ZNF592: variants seen among roughly 807,000 people sequenced by gnomAD.
ZNF592 encodes the protein zinc finger protein 592, also known as spinocerebellar ataxia, autosomal recessive 5.
ZNF592 carries 11 observed loss-of-function variants against 80.3 expected under a neutral mutation model. The ratio of observed to expected loss-of-function variants is 0.14; its 90% CI spans 0.09 to 0.23. The LOEUF (loss-of-function observed/expected upper bound fraction) is 0.23, where lower values mean the gene tolerates loss of function less well. Ranked by LOEUF, ZNF592 falls within the 10% of genes least tolerant of loss-of-function variation. The pLI, the probability that ZNF592 is intolerant of heterozygous loss-of-function variation, is 1.00. For missense variants in ZNF592, 1,420 were observed against 1,633.9 expected (o/e 0.87, Z 2.26); for synonymous variants, 646 against 640.3 (o/e 1.01, Z -0.13).
intron 3 of ZNF592, among the ~76,000 whole-genome samples, chr15:84,779,737 C>A (rs1962364910): frequency 6.6e-6 from 1 of 152,120 alleles, no homozygotes; most frequent in South Asian, 2.1e-4. Context: ...GCAAAAGATA[C>A]TTACTTTACT....
At chr15:84,789,549 C>A (rs1567073154) in intron 4 of ZNF592, among the ~76,000 whole-genome samples, 1 of 152,118 alleles carries the variant, frequency 6.6e-6, no homozygotes, top group Non-Finnish European at 1.5e-5. Flanking sequence ...ATATTCCCAC[C>A]AACAGTGCCC....
In ZNF592 at chr15:84,801,992, T is replaced by A. The variant is rs1270257940; in HGVS notation, c.3403T>A (p.Ser1135Thr). The change falls in exon 11 of 11, where the codon TCG (serine) becomes ACG (threonine). Residue 1135 changes from serine (S) to threonine (T), a missense_variant. Coordinates refer to ENST00000560079, the MANE Select transcript of ZNF592 (RefSeq NM_014630.3). ...CGCGAAATGTAGTTTTGCCACAGACTCGGGGCTCGAGTTTCAGAGCCACAT... is the reference window on the plus strand; with the variant it reads ...CGCGAAATGTAGTTTTGCCACAGACACGGGGCTCGAGTTTCAGAGCCACAT... ...QCAKCSFATDSGLEFQSHIPQ... is the reference protein window; with the variant it reads ...QCAKCSFATDTGLEFQSHIPQ... The A allele has an allele frequency of 6.2e-7, 1 of 1,613,854 alleles. No homozygotes were observed. The highest frequency in any genetic ancestry group is 1.3e-5 in the African/African-American group (1 of 74,912).
At chr15:84,794,990 C>G (rs1478726854) in intron 5 of ZNF592, among the ~76,000 whole-genome samples, 2 of 151,752 alleles carry the variant, frequency 1.3e-5, no homozygotes, top group African/African-American at 2.4e-5. Context: ...TTGAACTCTA[C>G]TACAGAGTTT....
rs777226583 is a variant in ZNF592, at chr15:84,798,570, C to T, written c.2737-18C>T. The T allele has an allele frequency of 1.6e-5, 26 of 1,613,940 alleles. No homozygotes were observed. The highest frequency in any genetic ancestry group is 4.5e-5 in the East Asian group (2 of 44,896). On this transcript the variant is annotated intron_variant, in intron 7 of 10. Transcript: ENST00000560079. This position sits in a 1 kb window ranked among gnomAD's most constrained non-coding sequence, Gnocchi z 4.5. ...TCTTTCCCCTTGCCCAGTCAGTAATCGCTCTCCCCATCCCCAGAGCACCCA... is the reference window on the plus strand; with the variant it reads ...TCTTTCCCCTTGCCCAGTCAGTAATTGCTCTCCCCATCCCCAGAGCACCCA...
intron 2 of ZNF592, among the ~76,000 whole-genome samples, chr15:84,775,908 T>C (rs1596117921): frequency 6.6e-6 from 1 of 152,346 alleles, no homozygotes; most frequent in Admixed American, 6.5e-5. Context: ...TTTATATTCA[T>C]CTTTAAAAAA....
chr15:84,793,994 G>C (rs1184334650), intron 5 of ZNF592, among the ~76,000 whole-genome samples: 1 of 152,094 alleles, frequency 6.6e-6, no homozygotes. Context: ...GTTATCATGT[G>C]GACATGTTTT....
chr15:84,763,848 G>A (rs1324015709), intron 1 of ZNF592, among the ~76,000 whole-genome samples: 3 of 152,136 alleles, frequency 2.0e-5, no homozygotes, highest in Non-Finnish European at 2.9e-5. Flanking sequence ...GTAGTTGATG[G>A]GCCGTTAACC....
intron 4 of ZNF592, among the ~76,000 whole-genome samples, chr15:84,789,767 G>A (rs1402249407): frequency 2.0e-5 from 3 of 152,032 alleles, no homozygotes; most frequent in South Asian, 4.2e-4. Flanking sequence ...AAGCCCCTTC[G>A]AGCTGGCTTC....
intron 1 of ZNF592, among the ~76,000 whole-genome samples, chr15:84,761,044 A>G (rs566882745): frequency 6.6e-6 from 1 of 151,982 alleles, no homozygotes; most frequent in East Asian, 1.9e-4. Context: ...GCTCACTGCA[A>G]CCTCCATCTC....
At chr15:84,790,096 C>G (rs1443318043) in intron 4 of ZNF592, among the ~76,000 whole-genome samples, 1 of 149,436 alleles carries the variant, frequency 6.7e-6, no homozygotes, top group Admixed American at 6.7e-5. Context: ...ATCCCACCCC[C>G]CAACCCCCAC....
At chr15:84,792,678 C>G (rs1192362483) in intron 5 of ZNF592, among the ~76,000 whole-genome samples, 1 of 152,168 alleles carries the variant, frequency 6.6e-6, no homozygotes, top group Non-Finnish European at 1.5e-5. Context: ...TCACATAACT[C>G]CTGGGCTCAA....
In ZNF592 at chr15:84,784,658, G is replaced by A; in HGVS notation, c.1983G>A (p.Met661Ile). Residue 661 changes from methionine (M) to isoleucine (I), a missense_variant, in exon 4 of 11, where the codon ATG becomes ATA. By Grantham distance (10) the Met-to-Ile change is conservative (BLOSUM62 1). This residue lies in a region of ZNF592 where 524 missense variants were observed against 628.3 expected (regional missense o/e 0.83). Transcript: ENST00000560079. This position sits in a 1 kb window ranked among gnomAD's most constrained non-coding sequence, Gnocchi z 5.8. The part of the protein sequence containing the change: ...LLVKPISADQ[M>I]FVSAPVNSTA... The stretch of plus-strand genomic sequence containing the variant: ...TGAAGCCTATCTCTGCGGACCAAAT[G>A]TTCGTGTCGGCCCCTGTGAACTCCA... 1 of 1,614,154 alleles carries A rather than the reference G, an allele frequency of 6.2e-7. No homozygotes were observed. Among genetic ancestry groups the A allele is most frequent in the Non-Finnish European group, 8.5e-7 (1 of 1,180,040 alleles).
In ZNF592 at chr15:84,782,663, C is replaced by G. The variant is rs764767782; in HGVS notation, c.-13C>G. 1.2e-6 allele frequency: 2 copies of G among 1,613,986 alleles called. No homozygotes were observed. Among genetic ancestry groups the G allele is most frequent in the Non-Finnish European group, 1.7e-6 (2 of 1,179,980 alleles). On this transcript the variant is annotated 5_prime_UTR_variant, in exon 4 of 11. Coordinates refer to ENST00000560079, the MANE Select transcript of ZNF592 (RefSeq NM_014630.3). The stretch of plus-strand genomic sequence containing the variant: ...TTTTCTGTTTCTGTTACAGCCCTTG[C>G]CAGCATCCAGCCATGGGGGATATGA...
chr15:84,790,269 C>G (rs926613408), intron 4 of ZNF592, among the ~76,000 whole-genome samples: 2 of 152,150 alleles, frequency 1.3e-5, no homozygotes, highest in Non-Finnish European at 2.9e-5. Context: ...AGGTGCTGAG[C>G]AGGTCTCTAC....
chr15:84,790,873 G>C lies in ZNF592; in HGVS notation c.2389G>C (p.Val797Leu), dbSNP rs1962726562. 6.2e-7 allele frequency: 1 copy of C among 1,614,114 alleles called. No homozygotes were observed. Among genetic ancestry groups the C allele is most frequent in the African/African-American group, 1.3e-5 (1 of 74,942 alleles). Residue 797 changes from valine (V) to leucine (L), a missense_variant, in exon 5 of 11, where the codon GTG becomes CTG. Physicochemically the swap from Val to Leu is conservative, Grantham distance 32 (BLOSUM62 1). This residue lies in a region of ZNF592 where 524 missense variants were observed against 628.3 expected (regional missense o/e 0.83). Transcript: ENST00000560079. ...GAATTGCCTGCACTATGCCCGCAAG[G>C]TGGGCTACAGGTGGGTGCTGCCTGG... is the stretch of plus-strand genomic sequence containing the variant. ...KENCLHYARK[V>L]GYRCIHCGVV... is the part of the protein sequence containing the mutation.
Position 84,776,057 on chromosome 15 carries a change from A to C in ZNF592, c.-149-2126A>C, listed in dbSNP as rs1305533806. ...ATTCCACTATCTCACCTTTGAGTGAAATTTACTCTCAGCCTAGGCCACCAA... is the reference window on the plus strand; with the variant it reads ...ATTCCACTATCTCACCTTTGAGTGACATTTACTCTCAGCCTAGGCCACCAA... On this transcript the variant is annotated intron_variant, in intron 2 of 10. Coordinates refer to ENST00000560079, the MANE Select transcript of ZNF592 (RefSeq NM_014630.3). Among the ~76,000 whole-genome samples, 4 of 152,202 alleles carry C rather than the reference A, an allele frequency of 2.6e-5. No individual in the cohort carries two copies. The East Asian group carries it at 7.7e-4, about 29-fold the overall frequency.
chr15:84,794,955 C>T (rs1461096388), intron 5 of ZNF592, among the ~76,000 whole-genome samples: 1 of 151,922 alleles, frequency 6.6e-6, no homozygotes, highest in East Asian at 1.9e-4. Flanking sequence ...TTAGTAAATT[C>T]TCAAGATACC....
In ZNF592 at chr15:84,748,610, G is replaced by T. The variant is rs2141953000; in HGVS notation, c.-313G>T. The T allele has an allele frequency of 6.8e-6, 1 of 147,172 alleles. No individual in the cohort carries two copies. Among genetic ancestry groups the T allele is most frequent in the East Asian group, 2.0e-4 (1 of 5,012 alleles). The allele number at this position is 147,172 out of a possible 1,614,324, so 9.1% of individuals were successfully genotyped here. On this transcript the variant is annotated 5_prime_UTR_variant, in exon 1 of 11. Transcript: ENST00000560079. ...CCATGTTGTGGCTCCCGCAGCCGGC[G>T]CTGGGGACGCGCGCGGCCGAGACTC...
intron 3 of ZNF592, among the ~76,000 whole-genome samples, 159 bp downstream of exon 3, chr15:84,778,471 G>A (rs1396418338): frequency 2.6e-5 from 4 of 152,188 alleles, no homozygotes; most frequent in Non-Finnish European, 4.4e-5. Context: ...TTCTACACTC[G>A]TGAGGTTATA....
Sources: allele counts gnomAD v4.1 joint callset (sites outside exome capture counted in the v4.1 genomes callset), GRCh38; gene constraint gnomAD v4.1.1; regional missense constraint gnomAD v4.1.1; non-coding constraint Gnocchi (gnomAD v3.1); transcripts MANE v1.5; gene names NCBI Gene and HGNC (gene_info 2026-07-23, HGNC 2026-07-21).